The following HMCN1 variants were observed in gnomAD, a reference collection of about 807,000 sequenced individuals.
The protein encoded by HMCN1 is hemicentin-1.
A neutral mutation model predicts 625.9 loss-of-function variants in HMCN1; 321 were observed. That is an observed-to-expected ratio of 0.51 (90% CI 0.47 to 0.56). The LOEUF (loss-of-function observed/expected upper bound fraction) is 0.56. HMCN1 is among the 20% of genes least tolerant of loss of function. HMCN1 has a pLI of 0.00. For missense variants in HMCN1, 6,588 were observed against 6,887.3 expected (o/e 0.96, Z 1.54); for synonymous variants, 2,425 against 2,417.6 (o/e 1.00, Z -0.09).
intron 12 of HMCN1, among the ~76,000 whole-genome samples, 189 bp from the exon 13 acceptor site, chr1:185,963,579 T>C (rs757232960): frequency 6.6e-6 from 1 of 152,054 alleles, no homozygotes; most frequent in Non-Finnish European, 1.5e-5. Flanking sequence ...TAGTCAATAT[T>C]GGATACATGA....
chr1:186,043,494 G>T (rs965247547), intron 40 of HMCN1, among the ~76,000 whole-genome samples: 13 of 152,140 alleles, frequency 8.5e-5, no homozygotes, highest in Admixed American at 2.6e-4. Flanking sequence ...CTCATTTAAT[G>T]TAAAAAAAGT....
chr1:186,174,389 G>C, intron 102 of HMCN1, 125 bp from the exon 103 acceptor site: 2 of 1,078,564 alleles, frequency 1.9e-6, no homozygotes, highest in Non-Finnish European at 2.8e-6. Context: ...GTTGTAAGCT[G>C]GTATGATCTC....
chr1:185,926,956 A>C (rs2102484269), intron 9 of HMCN1, among the ~76,000 whole-genome samples: 1 of 152,310 alleles, frequency 6.6e-6, no homozygotes, highest in African/African-American at 2.4e-5. Context: ...TCCATGAAAA[A>C]GGGAATTATT....
chr1:185,864,211 G>A (rs1293949123), intron 2 of HMCN1, among the ~76,000 whole-genome samples: 2 of 152,160 alleles, frequency 1.3e-5, no homozygotes, highest in East Asian at 3.8e-4. Flanking sequence ...AAGGCAGAGT[G>A]AATAGACATT....
At chr1:186,150,013 G>A (rs1480940860) in intron 93 of HMCN1, among the ~76,000 whole-genome samples, 1 of 152,094 alleles carries the variant, frequency 6.6e-6, no homozygotes, top group Non-Finnish European at 1.5e-5. Context: ...TAATGAAAAA[G>A]TTTGAAATAT....
At chr1:186,070,046 G>T in intron 51 of HMCN1, among the ~76,000 whole-genome samples, 1 of 152,106 alleles carries the variant, frequency 6.6e-6, no homozygotes, top group East Asian at 1.9e-4. Context: ...TTTTCCTTCT[G>T]AATTACCCTC....
intron 36 of HMCN1, among the ~76,000 whole-genome samples, chr1:186,031,887 T>C (rs1655464862): frequency 6.6e-6 from 1 of 152,118 alleles, no homozygotes; most frequent in Admixed American, 6.5e-5. Context: ...TTCAGCTACT[T>C]TTCTTTGGTT....
Position 186,151,553 on chromosome 1 carries a change from T to A in HMCN1, c.14759-53T>A, listed in dbSNP as rs112221354. The stretch of plus-strand genomic sequence containing the variant: ...TGTGAATAATATGCTATGAAGACAA[T>A]AAAATAGACTAAAAATTTTGCTATC... On this transcript the variant is annotated intron_variant, in intron 94 of 106. Transcript: ENST00000271588. 4.8e-3 allele frequency: 7,403 copies of A among 1,548,836 alleles called. 193 individuals carry two copies. In the African/African-American group the frequency reaches 0.052, roughly 11 times the overall value.
rs146544923 is a variant in HMCN1 at position 186,087,945 on chromosome 1, G to T, written c.9377G>T (p.Gly3126Val). ...TTTTTCTTTTAGGTATCTGACACAG[G>T]CCAGTATGTATGTAGAGCTATAAAT... Reference protein sequence around the residue: ...HIKKAEVSDTGQYVCRAINVA... With the variant: ...HIKKAEVSDTVQYVCRAINVA... The change falls in exon 61 of 107, where the codon GGC becomes GTC. Residue 3126 changes from glycine (G) to valine (V), a missense_variant. By Grantham distance (109) the Gly-to-Val change is moderately radical (BLOSUM62 -3). This residue lies in a region of HMCN1 where 4,628 missense variants were observed against 4,853.1 expected (regional missense o/e 0.95). Transcript: ENST00000271588. 20 of 1,612,534 alleles carry T rather than the reference G, an allele frequency of 1.2e-5. No homozygotes were observed. The highest frequency in any genetic ancestry group is 5.3e-5 in the African/African-American group (4 of 74,802).
Position 186,189,582 on chromosome 1 carries a change from C to A in HMCN1, c.16612C>A (p.Leu5538Ile), listed in dbSNP as rs369798131. 4.9e-5 allele frequency: 79 copies of A among 1,613,540 alleles called. No individual in the cohort carries two copies. The highest frequency in any genetic ancestry group is 6.5e-5 in the Non-Finnish European group (77 of 1,179,746). The change falls in exon 107 of 107, where the codon CTC (leucine) becomes ATC (isoleucine). Residue 5538 changes from leucine (L) to isoleucine (I), a missense_variant. Coordinates refer to ENST00000271588, the MANE Select transcript of HMCN1 (RefSeq NM_031935.3). ...ALSPYALEYK[L>I]VSLPFGIATN... is the part of the protein sequence containing the mutation. ...GAGCCCATATGCCTTGGAATACAAA[C>A]TCGTCTCCCTCCCATTTGGAATAGC...
intron 89 of HMCN1, among the ~76,000 whole-genome samples, chr1:186,140,829 A>G (rs951323677): frequency 2.0e-5 from 3 of 152,138 alleles, no homozygotes; most frequent in Non-Finnish European, 4.4e-5. Context: ...GTATTATTCA[A>G]TGGTTTATCA....
At chr1:185,803,438 G>C (rs1459327434) in intron 1 of HMCN1, among the ~76,000 whole-genome samples, 1 of 151,904 alleles carries the variant, frequency 6.6e-6, no homozygotes, top group Non-Finnish European at 1.5e-5. Flanking sequence ...AGCAACATCT[G>C]GTCATTTGAG....
intron 45 of HMCN1, among the ~76,000 whole-genome samples, chr1:186,056,965 A>G (rs1006572784): frequency 1.3e-5 from 2 of 151,794 alleles, no homozygotes; most frequent in Non-Finnish European, 2.9e-5. Flanking sequence ...CACTATTGGA[A>G]TAACAATATG....
intron 1 of HMCN1, among the ~76,000 whole-genome samples, chr1:185,805,931 A>AT (rs906461975): frequency 1.5e-4 from 23 of 151,786 alleles, no homozygotes; most frequent in East Asian, 5.8e-4. Context: ...TTTTCCATTT[A>AT]TTTTTTTTAC....
intron 48 of HMCN1, among the ~76,000 whole-genome samples, chr1:186,063,912 T>A (rs1363465401): frequency 6.6e-6 from 1 of 152,190 alleles, no homozygotes; most frequent in Non-Finnish European, 1.5e-5. Flanking sequence ...TTATTGTAGA[T>A]GGCCTTGCAG....
At chr1:185,907,143 T>C (rs1666142257) in intron 4 of HMCN1, among the ~76,000 whole-genome samples, 1 of 151,910 alleles carries the variant, frequency 6.6e-6, no homozygotes, top group Non-Finnish European at 1.5e-5. Flanking sequence ...TCAAGCATGA[T>C]AGATCATTAA....
intron 97 of HMCN1, among the ~76,000 whole-genome samples, chr1:186,161,083 G>A (rs1247082604): frequency 2.6e-5 from 4 of 152,104 alleles, no homozygotes; most frequent in African/African-American, 9.7e-5. Flanking sequence ...CTAAGGACTT[G>A]CTTTATGAAT....
intron 30 of HMCN1, among the ~76,000 whole-genome samples, chr1:186,013,263 A>G (rs1039627574): frequency 6.6e-6 from 1 of 152,216 alleles, no homozygotes; most frequent in Non-Finnish European, 1.5e-5. Context: ...TAATTTTTAC[A>G]TGTCACAAAA....
At chr1:186,008,567 G>A (rs61629925) in intron 30 of HMCN1, among the ~76,000 whole-genome samples, 3,776 of 152,164 alleles carry the variant, frequency 0.025, 153 homozygotes, top group African/African-American at 0.086. Flanking sequence ...CACTGGTTGA[G>A]TAATTAATAA....
Sources: allele counts gnomAD v4.1 joint callset (sites outside exome capture counted in the v4.1 genomes callset), GRCh38; gene constraint gnomAD v4.1.1; regional missense constraint gnomAD v4.1.1; transcripts MANE v1.5; gene names NCBI Gene and HGNC (gene_info 2026-07-23, HGNC 2026-07-21).